The following KCNIP4 variants were observed in gnomAD, a reference collection of about 807,000 sequenced individuals.
KCNIP4 encodes the protein Kv channel-interacting protein 4.
Under a neutral mutation model 34.0 loss-of-function variants are expected in KCNIP4, and 12 were observed. That is an observed-to-expected ratio of 0.35 (90% CI 0.23 to 0.57). The LOEUF (loss-of-function observed/expected upper bound fraction) is 0.57, where lower values mean the gene tolerates loss of function less well. Ranked by LOEUF, KCNIP4 falls within the 20% of genes least tolerant of loss-of-function variation. The pLI is 0.83. For missense variants in KCNIP4, 238 were observed against 311.7 expected (o/e 0.76, Z 1.78); for synonymous variants, 124 against 102.2 (o/e 1.21, Z -1.29).
At chr4:21,073,436 GCTCT>G (rs1368046297) in intron 1 of KCNIP4, among the ~76,000 whole-genome samples, 5 of 151,626 alleles carry the variant, frequency 3.3e-5, no homozygotes, top group Non-Finnish European at 5.9e-5. Flanking sequence ...TCATGATTTG[GCTCT>G]CTGTTATTGG....
At chr4:21,874,797 A>AT (rs1428654570) in intron 1 of KCNIP4, among the ~76,000 whole-genome samples, 3 of 152,114 alleles carry the variant, frequency 2.0e-5, no homozygotes. Context: ...TCTTTTTACT[A>AT]TTTTTACTAC....
intron 1 of KCNIP4, among the ~76,000 whole-genome samples, chr4:21,235,714 A>G (rs1246046528): frequency 6.6e-6 from 1 of 152,208 alleles, no homozygotes; most frequent in South Asian, 2.1e-4. Context: ...CTATGAGGCA[A>G]GGATTTCTTT....
chr4:21,183,787 C>T (rs1475900987), intron 1 of KCNIP4, among the ~76,000 whole-genome samples: 1 of 152,008 alleles, frequency 6.6e-6, no homozygotes, highest in East Asian at 1.9e-4. Flanking sequence ...TTGGAACTTG[C>T]TGTTCCTTCT....
At chr4:21,649,847 A>T (rs1468843731) in intron 1 of KCNIP4, among the ~76,000 whole-genome samples, 1 of 152,204 alleles carries the variant, frequency 6.6e-6, no homozygotes, top group Non-Finnish European at 1.5e-5. Flanking sequence ...AAGGGAAACA[A>T]GATTAATGAC....
In KCNIP4 at chr4:21,586,749, A is replaced by C. The variant is rs140024061; in HGVS notation, c.61+361822T>G. On this transcript the variant is annotated intron_variant, in intron 1 of 8. Transcript: ENST00000382152. ...GAAAGTATGTTTAGCTTCCAAGTCC[A>C]TTTATAAAAATATGGTTCTCCTGAT... Among the ~76,000 whole-genome samples, 3 of 152,212 alleles carry C rather than the reference A, an allele frequency of 2.0e-5. No homozygotes were observed. The East Asian group carries it at 5.8e-4, about 29-fold the overall frequency.
chr4:21,863,078 G>A (rs2109353885), intron 1 of KCNIP4, among the ~76,000 whole-genome samples: 1 of 151,826 alleles, frequency 6.6e-6, no homozygotes, highest in South Asian at 2.1e-4. Context: ...CCAACAATAA[G>A]GGCAAAAAAA....
At chr4:21,508,396 C>T (rs116519182) in intron 1 of KCNIP4, among the ~76,000 whole-genome samples, 219 of 152,274 alleles carry the variant, frequency 1.4e-3, no homozygotes, top group African/African-American at 5.1e-3. Context: ...TATAATTATG[C>T]TTATTATGTT....
chr4:21,204,483 G>A (rs1224954916), intron 1 of KCNIP4, among the ~76,000 whole-genome samples: 3 of 152,250 alleles, frequency 2.0e-5, no homozygotes, highest in East Asian at 3.9e-4. Flanking sequence ...TGGGATTAAC[G>A]TTTAGATGAC....
chr4:21,794,960 C>T (rs528707182), intron 1 of KCNIP4, among the ~76,000 whole-genome samples: 1 of 152,246 alleles, frequency 6.6e-6, no homozygotes, highest in South Asian at 2.1e-4. Flanking sequence ...CCCTTCGTCT[C>T]TCCAGCCAAA....
intron 1 of KCNIP4, among the ~76,000 whole-genome samples, chr4:21,355,233 T>A (rs1259520927): frequency 6.6e-6 from 1 of 151,892 alleles, no homozygotes; most frequent in African/African-American, 2.4e-5. Context: ...AACATCACAA[T>A]TAAAATAACT....
intron 1 of KCNIP4, among the ~76,000 whole-genome samples, chr4:21,457,101 C>A (rs1345711278): frequency 6.6e-6 from 1 of 152,020 alleles, no homozygotes; most frequent in East Asian, 1.9e-4. Flanking sequence ...ACTCTCCTTC[C>A]ATTTTACTGT....
chr4:20,839,549 T>G (rs1028528350), intron 3 of KCNIP4, among the ~76,000 whole-genome samples: 10 of 150,130 alleles, frequency 6.7e-5, no homozygotes, highest in Admixed American at 2.0e-4. Context: ...TATATATATA[T>G]GTACATAATG....
intron 1 of KCNIP4, among the ~76,000 whole-genome samples, chr4:21,227,929 G>T (rs1254664245): frequency 6.6e-6 from 1 of 152,092 alleles, no homozygotes; most frequent in Non-Finnish European, 1.5e-5. Context: ...TGTAGTGAAG[G>T]ATCAGTTTTG....
rs1250064993 is a variant in KCNIP4, at chr4:21,948,761, G to C, written c.-130C>G. ...CCGTGGCGCTGGGAGCGAGAGCTTCGGCGGCGGCTGCGGGCAGGGCGCGCG... is the reference window on the plus strand; with the variant it reads ...CCGTGGCGCTGGGAGCGAGAGCTTCCGCGGCGGCTGCGGGCAGGGCGCGCG... On this transcript the variant is annotated 5_prime_UTR_variant, in exon 1 of 9. Coordinates refer to ENST00000382152, the MANE Select transcript of KCNIP4 (RefSeq NM_025221.6). The C allele has an allele frequency of 1.5e-5, 17 of 1,167,634 alleles. No homozygotes were observed. The highest frequency in any genetic ancestry group is 1.8e-5 in the Non-Finnish European group (17 of 936,582). 72.3% of individuals were successfully genotyped at this position (1,167,634 alleles called of 1,614,324 possible).
intron 1 of KCNIP4, among the ~76,000 whole-genome samples, chr4:21,661,068 G>A (rs1748411967): frequency 6.6e-6 from 1 of 152,124 alleles, no homozygotes. Context: ...CAGTGTAGCA[G>A]AGAAGGAAAG....
At chr4:21,746,153 T>C (rs1380097115) in intron 1 of KCNIP4, among the ~76,000 whole-genome samples, 1 of 152,152 alleles carries the variant, frequency 6.6e-6, no homozygotes, top group African/African-American at 2.4e-5. Flanking sequence ...CCAGTCATAT[T>C]GGATTAGGGC....
intron 1 of KCNIP4, among the ~76,000 whole-genome samples, chr4:20,971,524 G>C (rs1734951582): frequency 6.6e-6 from 1 of 151,878 alleles, no homozygotes; most frequent in South Asian, 2.1e-4. Flanking sequence ...ACACAATACT[G>C]TAGTCTATTA....
At chr4:21,836,754 G>C (rs1240995954) in intron 1 of KCNIP4, among the ~76,000 whole-genome samples, 2 of 151,908 alleles carry the variant, frequency 1.3e-5, no homozygotes, top group Non-Finnish European at 2.9e-5. Context: ...ATGTCTCCTG[G>C]GTTTCAACTA....
chr4:21,461,974 A>C (rs756347610), intron 1 of KCNIP4, among the ~76,000 whole-genome samples: 2 of 152,064 alleles, frequency 1.3e-5, no homozygotes, highest in Non-Finnish European at 2.9e-5. Flanking sequence ...ATATATGTAT[A>C]TAATGCATGA....
Sources: gnomAD v4.1 joint callset for allele counts (sites outside exome capture counted in the v4.1 genomes callset) on GRCh38, gnomAD v4.1.1 for gene constraint, MANE v1.5 for transcripts, NCBI Gene and HGNC (gene_info 2026-07-23, HGNC 2026-07-21) for gene names.